The following CRISPLD1 variants were observed in gnomAD, a reference collection of about 807,000 sequenced individuals.
CRISPLD1 encodes cysteine-rich secretory protein LCCL domain-containing 1.
Under a neutral mutation model 77.5 loss-of-function variants are expected in CRISPLD1, and 60 were observed. That is an observed-to-expected ratio of 0.77 (90% confidence interval 0.63 to 0.96). The LOEUF is 0.96. Among genes scored for constraint, CRISPLD1 ranks in the 40% least tolerant of loss-of-function variants. The pLI is 0.00. For synonymous variants in CRISPLD1, 195 were observed against 200.1 expected (o/e 0.97, Z 0.22); for missense variants, 623 against 615.8 (o/e 1.01, Z -0.12).
At position 75,032,350 on chromosome 8, in the gene CRISPLD1, C is replaced by A; in HGVS notation, c.*108C>A. The A allele has an allele frequency of 5.7e-6, 4 of 696,638 alleles. No individual in the cohort carries two copies. Among genetic ancestry groups the A allele is most frequent in the East Asian group, 3.0e-5 (1 of 32,834 alleles). The allele number at this position is 696,638 out of a possible 1,614,324, so 43.2% of individuals were successfully genotyped here. On this transcript the variant is annotated 3_prime_UTR_variant, in exon 15 of 15. Coordinates refer to ENST00000262207, the MANE Select transcript of CRISPLD1 (RefSeq NM_031461.6). Reference sequence around the variant, plus strand: ...ACAGAGTACATCAACTATTTTCAGCCCAAAAAGGTGCCAAATGCATATAAA... The same window carrying A: ...ACAGAGTACATCAACTATTTTCAGCACAAAAAGGTGCCAAATGCATATAAA...
intron 2 of CRISPLD1, among the ~76,000 whole-genome samples, chr8:74,992,907 T>G (rs917339923): frequency 4.2e-5 from 6 of 141,738 alleles, no homozygotes; most frequent in Admixed American, 7.0e-5. Context: ...AAATTATGGT[T>G]TTTTTTTTTT....
At chr8:74,995,765 T>G (rs1418912726) in intron 2 of CRISPLD1, among the ~76,000 whole-genome samples, 1 of 141,938 alleles carries the variant, frequency 7.0e-6, no homozygotes, top group Admixed American at 7.0e-5. Context: ...CTTTGCATAA[T>G]TTTTTTGCAA....
intron 2 of CRISPLD1, among the ~76,000 whole-genome samples, chr8:74,989,386 A>G (rs1356282277): frequency 2.6e-5 from 4 of 152,188 alleles, no homozygotes; most frequent in African/African-American, 9.6e-5. Context: ...GGAGGAAAAA[A>G]TACGGCTTTG....
intron 2 of CRISPLD1, among the ~76,000 whole-genome samples, chr8:75,005,778 T>G (rs1480163252): frequency 6.6e-6 from 1 of 152,126 alleles, no homozygotes; most frequent in African/African-American, 2.4e-5. Flanking sequence ...AAAAATAATT[T>G]TATCATTATT....
intron 2 of CRISPLD1, among the ~76,000 whole-genome samples, chr8:74,991,346 G>A (rs112076201): frequency 3.2e-4 from 48 of 152,132 alleles, no homozygotes; most frequent in African/African-American, 1.1e-3. Flanking sequence ...CATTAGTAAA[G>A]GTGACTTTTC....
rs1344388566 is a variant in CRISPLD1, at chr8:75,023,569, ATTTC to A, written c.1245-1974_1245-1971del. ...AATTTTAGAAATAAAAACTATAACT[ATTTC>A]TTAGAAATGTTATATTCTAAGATCT... On this transcript the variant is annotated intron_variant, in intron 12 of 14. Coordinates refer to ENST00000262207, the MANE Select transcript of CRISPLD1 (RefSeq NM_031461.6). Among the ~76,000 whole-genome samples, 3 of 152,292 alleles carry A rather than the reference ATTTC, an allele frequency of 2.0e-5. No homozygotes were observed. In the East Asian group the frequency reaches 5.8e-4, roughly 29 times the overall value.
rs1462611797 is a variant in CRISPLD1, at chr8:75,032,219, T to G, written c.1480T>G (p.Phe494Val). The change falls in exon 15 of 15, where the codon TTC becomes GTC. Residue 494 changes from phenylalanine (F) to valine (V), a missense_variant. By Grantham distance (50) the Phe-to-Val change is conservative. Coordinates refer to ENST00000262207, the MANE Select transcript of CRISPLD1 (RefSeq NM_031461.6). ...ACAGAATCCTCCAGGAGGAAAGGCATTCAGAGTGTTTGCTGTTGTGTGAAA... is the reference window on the plus strand; with the variant it reads ...ACAGAATCCTCCAGGAGGAAAGGCAGTCAGAGTGTTTGCTGTTGTGTGAAA... ...SLQNPPGGKA[F>V]RVFAVV is the part of the protein sequence containing the mutation. 6.2e-7 allele frequency: 1 copy of G among 1,608,440 alleles called. No individual in the cohort carries two copies. The highest frequency in any genetic ancestry group is 1.3e-5 in the African/African-American group (1 of 74,674).
Position 75,029,394 on chromosome 8 carries a change from G to T in CRISPLD1, c.1328G>T (p.Ser443Ile). The T allele has an allele frequency of 2.5e-6, 4 of 1,612,542 alleles. No individual in the cohort carries two copies. Among genetic ancestry groups the T allele is most frequent in the Non-Finnish European group, 2.5e-6 (3 of 1,179,382 alleles). ...GTTTCTTTACCTTCTCAGCTGTCCA[G>T]TATCTGCAGAGCAGCAGTACATGCT... is the stretch of plus-strand genomic sequence containing the variant. ...IGTRVYSDLSSICRAAVHAGV... is the reference protein window; with the variant it reads ...IGTRVYSDLSIICRAAVHAGV... Residue 443 changes from serine to isoleucine, a missense_variant, in exon 14 of 15, where the codon AGT becomes ATT. Coordinates refer to ENST00000262207, the MANE Select transcript of CRISPLD1 (RefSeq NM_031461.6).
chr8:75,001,962 C>A (rs1431329127), intron 2 of CRISPLD1, among the ~76,000 whole-genome samples: 1 of 152,006 alleles, frequency 6.6e-6, no homozygotes, highest in Non-Finnish European at 1.5e-5. Context: ...CTTTCTTGAC[C>A]TAAAAAATGT....
Position 74,985,889 on chromosome 8 carries a change from G to A in CRISPLD1, c.-62-37G>A. The A allele has an allele frequency of 3.0e-6, 4 of 1,340,292 alleles. No individual in the cohort carries two copies. The South Asian group carries it at 4.5e-5, about 15-fold the overall frequency. The allele number at this position is 1,340,292 out of a possible 1,614,324, so 83.0% of individuals were successfully genotyped here. On this transcript the variant is annotated intron_variant, in intron 1 of 14. Transcript: ENST00000262207. ...TGTTATTAGAAAATTCATATCTGCTGGAATTTTCATCTTAATCACATGACA... is the reference window on the plus strand; with the variant it reads ...TGTTATTAGAAAATTCATATCTGCTAGAATTTTCATCTTAATCACATGACA...
In CRISPLD1 at chr8:75,019,853, T is replaced by C. The variant is rs1813101367; in HGVS notation, c.1128-17T>C. The C allele has an allele frequency of 6.3e-7, 1 of 1,599,566 alleles. No individual in the cohort carries two copies. The highest frequency in any genetic ancestry group is 8.6e-7 in the Non-Finnish European group (1 of 1,168,062). On this transcript the variant is annotated splice_polypyrimidine_tract_variant and intron_variant, in intron 10 of 14. Coordinates refer to ENST00000262207, the MANE Select transcript of CRISPLD1 (RefSeq NM_031461.6). ...CCTATATGAAAATAATTAACATTTC[T>C]GTATTTTTACCTTCAGCAAATATCA...
At chr8:74,993,338 A>G (rs1812601796) in intron 2 of CRISPLD1, among the ~76,000 whole-genome samples, 1 of 152,226 alleles carries the variant, frequency 6.6e-6, no homozygotes, top group Non-Finnish European at 1.5e-5. Context: ...TCTGACATAT[A>G]GTATCTGCAC....
At chr8:75,013,068 T>G in intron 4 of CRISPLD1, 46 bp downstream of exon 4, 1 of 1,420,800 alleles carries the variant, frequency 7.0e-7, no homozygotes, top group Non-Finnish European at 9.3e-7. Flanking sequence ...ATTGAGTTAA[T>G]GTAACTATGA....
At chr8:75,014,219 T>C in intron 5 of CRISPLD1, 117 bp downstream of exon 5, 1 of 673,202 alleles carries the variant, frequency 1.5e-6, no homozygotes, top group Non-Finnish European at 2.6e-6. Context: ...ATTATTTTAA[T>C]TCTGTTTATT....
At chr8:75,028,195 T>C (rs1008976764) in intron 13 of CRISPLD1, among the ~76,000 whole-genome samples, 15 of 152,120 alleles carry the variant, frequency 9.9e-5, no homozygotes, top group Non-Finnish European at 1.5e-5. Context: ...AAAATGTCTT[T>C]GAGTAAGGAT....
intron 14 of CRISPLD1, among the ~76,000 whole-genome samples, chr8:75,031,873 G>A (rs1167911259): frequency 6.6e-6 from 1 of 151,792 alleles, no homozygotes; most frequent in African/African-American, 2.4e-5. Context: ...GCTGAACTCT[G>A]CTGTATTAGA....
intron 2 of CRISPLD1, among the ~76,000 whole-genome samples, chr8:74,992,902 A>G (rs975204764): frequency 1.6e-5 from 2 of 126,036 alleles, no homozygotes; most frequent in Admixed American, 1.6e-4. Flanking sequence ...ATTAGAAATT[A>G]TGGTTTTTTT....
chr8:75,021,401 T>A (rs191303882), intron 12 of CRISPLD1, among the ~76,000 whole-genome samples: 110 of 152,322 alleles, frequency 7.2e-4, no homozygotes, highest in African/African-American at 2.6e-3. Context: ...GCAAGAGTGC[T>A]GTTGTAATAT....
intron 12 of CRISPLD1, among the ~76,000 whole-genome samples, chr8:75,024,156 G>T (rs1813192245): frequency 6.6e-6 from 1 of 152,166 alleles, no homozygotes; most frequent in African/African-American, 2.4e-5. Context: ...CTGGAGCAGG[G>T]TGAGAAAGTG....
Sources: allele counts gnomAD v4.1 joint callset (sites outside exome capture counted in the v4.1 genomes callset), GRCh38; gene constraint gnomAD v4.1.1; transcripts MANE v1.5; gene names NCBI Gene and HGNC (gene_info 2026-07-23, HGNC 2026-07-21).